CCDC60: variants seen among roughly 807,000 people sequenced by gnomAD.
The protein encoded by CCDC60 is coiled-coil domain containing 60.
CCDC60 carries 54 observed loss-of-function variants against 63.5 expected under a neutral mutation model. That is an observed-to-expected ratio of 0.85 (90% CI 0.68 to 1.07). The LOEUF is 1.07. CCDC60 is among the 50% of genes least tolerant of loss of function. CCDC60 has a pLI of 0.00. For synonymous variants in CCDC60, 206 were observed against 238.8 expected (o/e 0.86, Z 1.27); for missense variants, 651 against 684.3 (o/e 0.95, Z 0.54).
intron 6 of CCDC60, among the ~76,000 whole-genome samples, chr12:119,503,563 G>T (rs1166710729): frequency 6.6e-6 from 1 of 152,164 alleles, no homozygotes; most frequent in Non-Finnish European, 1.5e-5. Context: ...CGTTTGTACA[G>T]AATTTCACTG....
chr12:119,389,330 C>T (rs775435287), intron 1 of CCDC60, among the ~76,000 whole-genome samples: 11 of 152,190 alleles, frequency 7.2e-5, no homozygotes, highest in Admixed American at 4.6e-4. Context: ...AACACAGCCA[C>T]GCCCATTTCT....
intron 1 of CCDC60, among the ~76,000 whole-genome samples, chr12:119,358,406 A>T (rs1955739967): frequency 6.6e-6 from 1 of 152,060 alleles, no homozygotes; most frequent in South Asian, 2.1e-4. Flanking sequence ...CCACCATGGG[A>T]TGACACAGCA....
intron 7 of CCDC60, among the ~76,000 whole-genome samples, chr12:119,510,629 C>T (rs951777008): frequency 2.6e-5 from 4 of 152,130 alleles, no homozygotes; most frequent in Non-Finnish European, 5.9e-5. Context: ...ATTTTTTGTA[C>T]AGATTAAAGA....
At chr12:119,507,175 A>G (rs907922816) in intron 7 of CCDC60, among the ~76,000 whole-genome samples, 2 of 152,086 alleles carry the variant, frequency 1.3e-5, no homozygotes, top group African/African-American at 2.4e-5. Flanking sequence ...AGGTCAAGGC[A>G]GACCAAGAAT....
chr12:119,404,859 A>T (rs1037996339), intron 1 of CCDC60, among the ~76,000 whole-genome samples: 2 of 152,194 alleles, frequency 1.3e-5, no homozygotes, highest in African/African-American at 4.8e-5. Flanking sequence ...GTTTGAAAGA[A>T]ATCTTTGCAG....
intron 1 of CCDC60, among the ~76,000 whole-genome samples, chr12:119,360,511 C>T (rs1421792447): frequency 2.0e-5 from 3 of 150,906 alleles, no homozygotes; most frequent in African/African-American, 4.9e-5. Flanking sequence ...GGCTGCCGGG[C>T]GGAGGGTCTC....
At chr12:119,378,587 G>T (rs1312676525) in intron 1 of CCDC60, among the ~76,000 whole-genome samples, 1 of 152,132 alleles carries the variant, frequency 6.6e-6, no homozygotes, top group Non-Finnish European at 1.5e-5. Context: ...AAGAAAATTA[G>T]GTAACTGGTC....
chr12:119,476,444 T>C (rs909742632), intron 3 of CCDC60, among the ~76,000 whole-genome samples: 3 of 152,028 alleles, frequency 2.0e-5, no homozygotes, highest in Middle Eastern at 3.4e-3. Flanking sequence ...GAATAAAGAG[T>C]CAGTGGAAGT....
chr12:119,524,207 C>G (rs753866444), intron 11 of CCDC60, among the ~76,000 whole-genome samples: 30 of 152,044 alleles, frequency 2.0e-4, no homozygotes, highest in Admixed American at 3.3e-4. Context: ...AAAGTGCATG[C>G]AAAGTCCCAA....
In CCDC60 at chr12:119,410,108, T is replaced by C. The variant is rs1956566612; in HGVS notation, c.91-18575T>C. 6.6e-6 allele frequency among the ~76,000 whole-genome samples: 1 copy of C among 152,152 alleles called. No homozygotes were observed. On this transcript the variant is annotated intron_variant, in intron 1 of 13. Coordinates refer to ENST00000327554, the MANE Select transcript of CCDC60 (RefSeq NM_178499.5). The surrounding 1 kb of genome is among the most constrained non-coding windows in gnomAD (Gnocchi z 4.0). Reference sequence around the variant, plus strand: ...TGACGCTCTCCAAGATACATTGTTATGTCAGGGGAAATCAGGACACAAACA... The same window carrying C: ...TGACGCTCTCCAAGATACATTGTTACGTCAGGGGAAATCAGGACACAAACA...
chr12:119,486,824 C>T (rs1040269427), intron 4 of CCDC60, among the ~76,000 whole-genome samples: 2 of 151,740 alleles, frequency 1.3e-5, no homozygotes, highest in African/African-American at 4.8e-5. Context: ...TTGGGTATCA[C>T]CTTCTGAAGT....
intron 2 of CCDC60, among the ~76,000 whole-genome samples, chr12:119,455,538 G>GACA (rs1197512562): frequency 6.6e-6 from 1 of 152,150 alleles, no homozygotes; most frequent in Non-Finnish European, 1.5e-5. Context: ...GCCAAGTGAA[G>GACA]ACAATGGAGA....
rs541713283 is a variant in CCDC60 at position 119,349,029 on chromosome 12, G to A, written c.90+13763G>A. Reference sequence around the variant, plus strand: ...TTCCATGCAGTCTACAGTGCTAAGAGGCAGGCATTATTAATTCCATTTTAC... The same window carrying A: ...TTCCATGCAGTCTACAGTGCTAAGAAGCAGGCATTATTAATTCCATTTTAC... On this transcript the variant is annotated intron_variant, in intron 1 of 13. Coordinates refer to ENST00000327554, the MANE Select transcript of CCDC60 (RefSeq NM_178499.5). Among the ~76,000 whole-genome samples the A allele has an allele frequency of 2.0e-5, 3 of 152,294 alleles. No homozygotes were observed. In the South Asian group the frequency reaches 6.2e-4, roughly 32 times the overall value.
At chr12:119,360,355 T>A (rs1955768537) in intron 1 of CCDC60, among the ~76,000 whole-genome samples, 1 of 73,588 alleles carries the variant, frequency 1.4e-5, no homozygotes, top group Non-Finnish European at 2.3e-5. Flanking sequence ...CGCCCCCACC[T>A]CCCTCCCGGA....
At chr12:119,341,218 A>G (rs922190428) in intron 1 of CCDC60, among the ~76,000 whole-genome samples, 4 of 152,192 alleles carry the variant, frequency 2.6e-5, no homozygotes, top group African/African-American at 9.7e-5. Context: ...TTCCATGATA[A>G]ATCAGGATGC....
intron 1 of CCDC60, among the ~76,000 whole-genome samples, chr12:119,364,506 C>T (rs865977321): frequency 2.0e-5 from 3 of 152,154 alleles, no homozygotes; most frequent in African/African-American, 7.2e-5. Flanking sequence ...TGTCTAGCTT[C>T]TTTCATCCAA....
In CCDC60 at chr12:119,527,666, C is replaced by CTTTTTTTTT. The variant is rs869099213; in HGVS notation, c.1230-932_1230-924dup. On this transcript the variant is annotated intron_variant, in intron 11 of 13. Coordinates refer to ENST00000327554, the MANE Select transcript of CCDC60 (RefSeq NM_178499.5). Reference sequence around the variant, plus strand: ...TTGTTTTTTCTTTCTTTCTTTCTTTCTTTTTTTTTTTTTTTTTTTTTTTTT... The same window carrying CTTTTTTTTT: ...TTGTTTTTTCTTTCTTTCTTTCTTTCTTTTTTTTTTTTTTTTTTTTTTTTTTTTTTTTTT... Among the ~76,000 whole-genome samples, 726 of 85,012 alleles carry CTTTTTTTTT rather than the reference C, an allele frequency of 8.5e-3. 6 individuals are homozygous for CTTTTTTTTT. Among genetic ancestry groups the CTTTTTTTTT allele is most frequent in the African/African-American group, 0.014 (279 of 20,238 alleles). 55.8% of individuals were successfully genotyped at this position (85,012 alleles called of 152,430 possible). A position where few individuals can be genotyped will look rare whatever the true frequency, so the allele number is the denominator to read the frequency against.
At chr12:119,467,143 T>C in intron 2 of CCDC60, among the ~76,000 whole-genome samples, 1 of 152,242 alleles carries the variant, frequency 6.6e-6, no homozygotes, top group Admixed American at 6.5e-5. Flanking sequence ...GTGGCCCTGC[T>C]CTGCAGGTGC....
At chr12:119,351,243 G>A (rs1366174019) in intron 1 of CCDC60, among the ~76,000 whole-genome samples, 2 of 152,204 alleles carry the variant, frequency 1.3e-5, no homozygotes, top group African/African-American at 4.8e-5. Context: ...TATTCTCAAA[G>A]TGGGTAAGAA....
Sources: gnomAD v4.1 joint callset for allele counts (sites outside exome capture counted in the v4.1 genomes callset) on GRCh38, gnomAD v4.1.1 for gene constraint, Gnocchi (gnomAD v3.1) non-coding constraint, MANE v1.5 for transcripts, NCBI Gene and HGNC (gene_info 2026-07-23, HGNC 2026-07-21) for gene names.